The following ANKFN1 variants were observed in gnomAD, a reference collection of about 807,000 sequenced individuals.
ANKFN1 encodes ankyrin repeat and fibronectin type III domain containing 1, also known as ankyrin repeat and fibronectin type-III domain-containing protein 1.
Under a neutral mutation model 108.7 loss-of-function variants are expected in ANKFN1, and 74 were observed. The observed-to-expected ratio is 0.68, with a 90% confidence interval of 0.56 to 0.83. ANKFN1 has a LOEUF of 0.83. Among genes scored for constraint, ANKFN1 ranks in the 40% least tolerant of loss-of-function variants. ANKFN1 has a pLI of 0.00. For synonymous variants in ANKFN1, 547 were observed against 516.2 expected (o/e 1.06, Z -0.81); for missense variants, 1,505 against 1,382.3 (o/e 1.09, Z -1.41).
chr17:56,208,884 T>TTAG (rs1333869559), intron 1 of ANKFN1, among the ~76,000 whole-genome samples: 1 of 151,834 alleles, frequency 6.6e-6, no homozygotes, highest in East Asian at 1.9e-4. Context: ...TATTTTATTA[T>TTAG]TATTATTATT....
Position 56,511,185 on chromosome 17 carries a change from C to G in ANKFN1, c.3357C>G (p.Thr1119=). 6.5e-7 allele frequency: 1 copy of G among 1,536,016 alleles called. No individual in the cohort carries two copies. The highest frequency in any genetic ancestry group is 1.7e-4 in the Middle Eastern group (1 of 5,978). ...GCCCGCCCTCTGGAGGCCGCATCACCCTGCCCAGCCCCACTGGCCCCGATG... is the reference window on the plus strand; with the variant it reads ...GCCCGCCCTCTGGAGGCCGCATCACGCTGCCCAGCCCCACTGGCCCCGATG... ...SLSPPSGGRI[T]LPSPTGPDVS... Residue 1119 remains threonine, a synonymous_variant, in exon 21 of 21, where the codon ACC becomes ACG. Coordinates refer to ENST00000682825, the MANE Select transcript of ANKFN1 (RefSeq NM_001370326.1).
At chr17:56,115,743 G>T (rs1221540873) in intron 4 of ANKFN1, among the ~76,000 whole-genome samples, 4 of 152,110 alleles carry the variant, frequency 2.6e-5, no homozygotes, top group African/African-American at 7.2e-5. Flanking sequence ...GGAAGAAAAT[G>T]CTCCAGCATA....
intron 3 of ANKFN1, among the ~76,000 whole-genome samples, chr17:56,266,397 C>T (rs926298304): frequency 6.6e-6 from 1 of 152,146 alleles, no homozygotes; most frequent in Non-Finnish European, 1.5e-5. Context: ...CTGTCAAAAT[C>T]ACTCTACCTA....
intron 3 of ANKFN1, among the ~76,000 whole-genome samples, chr17:56,300,880 G>A (rs1382634339): frequency 6.6e-6 from 1 of 152,072 alleles, no homozygotes; most frequent in African/African-American, 2.4e-5. Flanking sequence ...TAGAATTTGG[G>A]TCCCTCCACC....
chr17:56,318,218 A>T (rs2045263459), intron 3 of ANKFN1, among the ~76,000 whole-genome samples: 1 of 152,074 alleles, frequency 6.6e-6, no homozygotes, highest in Non-Finnish European at 1.5e-5. Context: ...CAAGGATGTA[A>T]AAATAGATAA....
At chr17:56,243,615 T>A (rs190929349) in intron 3 of ANKFN1, among the ~76,000 whole-genome samples, 1 of 152,146 alleles carries the variant, frequency 6.6e-6, no homozygotes, top group Non-Finnish European at 1.5e-5. Context: ...CTACAGTTGC[T>A]AAACTCCTAG....
intron 3 of ANKFN1, among the ~76,000 whole-genome samples, chr17:56,284,913 C>T (rs1003555315): frequency 1.3e-5 from 2 of 152,136 alleles, no homozygotes; most frequent in African/African-American, 2.4e-5. Flanking sequence ...CCCCAACTCC[C>T]CAGAGGAGAA....
chr17:56,320,236 C>A (rs1172727807), intron 3 of ANKFN1, among the ~76,000 whole-genome samples: 4 of 152,178 alleles, frequency 2.6e-5, no homozygotes, highest in Non-Finnish European at 5.9e-5. Flanking sequence ...TGACAAACCA[C>A]ATCATGTATC....
upstream of ANKFN1, among the ~76,000 whole-genome samples, chr17:56,152,595 T>C (rs1007487974): frequency 6.6e-6 from 1 of 152,120 alleles, no homozygotes; most frequent in African/African-American, 2.4e-5. Flanking sequence ...GAGCCTCAAC[T>C]GCTTCAAAGT....
chr17:56,274,924 A>G (rs2043885672), intron 3 of ANKFN1, among the ~76,000 whole-genome samples: 3 of 152,340 alleles, frequency 2.0e-5, no homozygotes, highest in Admixed American at 1.3e-4. Context: ...CCTTGCGGTT[A>G]TCACTTAAGC....
At chr17:56,445,764 G>A (rs1381152530) in intron 10 of ANKFN1, among the ~76,000 whole-genome samples, 1 of 152,098 alleles carries the variant, frequency 6.6e-6, no homozygotes, top group Non-Finnish European at 1.5e-5. Context: ...TGTTTTTACA[G>A]ACTTATGTTA....
At position 56,350,839 on chromosome 17, in the gene ANKFN1, T is replaced by C; in HGVS notation, c.262T>C (p.Ser88Pro). The change falls in exon 5 of 21, where the codon TCA becomes CCA. Residue 88 changes from serine to proline, a missense_variant. Coordinates refer to ENST00000682825, the MANE Select transcript of ANKFN1 (RefSeq NM_001370326.1). ...TCAGTCAAAAAAACATAGTGCTCCC[T>C]CATCTCCCAACGCAGCCAAACGCCT... ...LCQSKKHSAP[S>P]SPNAAKRLYR... 4.3e-6 allele frequency: 7 copies of C among 1,613,822 alleles called. No homozygotes were observed. The highest frequency in any genetic ancestry group is 5.9e-6 in the Non-Finnish European group (7 of 1,179,868).
chr17:56,268,623 A>C (rs538373498), intron 3 of ANKFN1, among the ~76,000 whole-genome samples: 1 of 152,310 alleles, frequency 6.6e-6, no homozygotes, highest in Non-Finnish European at 1.5e-5. Flanking sequence ...ACCCATACAA[A>C]AGACTAACAA....
At chr17:56,144,121 T>C (rs939151065) in intron 4 of ANKFN1, among the ~76,000 whole-genome samples, 4 of 116,956 alleles carry the variant, frequency 3.4e-5, no homozygotes, top group African/African-American at 1.4e-4. Flanking sequence ...CCCTCCAGCC[T>C]AGCACAAGTG....
chr17:56,249,308 C>A (rs2043183987), intron 3 of ANKFN1, among the ~76,000 whole-genome samples: 1 of 151,966 alleles, frequency 6.6e-6, no homozygotes. Flanking sequence ...GTGGCAGGTG[C>A]CTGTAATCCC....
At chr17:56,229,737 TG>T (rs952686979) in intron 3 of ANKFN1, among the ~76,000 whole-genome samples, 1 of 149,318 alleles carries the variant, frequency 6.7e-6, no homozygotes, top group Non-Finnish European at 1.5e-5. Context: ...AGTTTGTGAC[TG>T]TTTGTTTTCT....
chr17:56,265,741 TTA>T (rs1444517144), intron 3 of ANKFN1, among the ~76,000 whole-genome samples: 1 of 152,232 alleles, frequency 6.6e-6, no homozygotes. Flanking sequence ...ACACATCCTC[TTA>T]TTTACTTTAA....
At position 56,293,950 on chromosome 17, in the gene ANKFN1, C is replaced by T. The variant is rs1390459737; in HGVS notation, c.54-32271C>T. 2.6e-5 allele frequency among the ~76,000 whole-genome samples: 4 copies of T among 152,170 alleles called. No individual in the cohort carries two copies. In the East Asian group the frequency reaches 7.7e-4, roughly 29 times the overall value. ...TTCTTCTTAATAACCTAGGCATAAA[C>T]GTTTTCACCATGGGGTTTAGCCACC... On this transcript the variant is annotated intron_variant, in intron 3 of 20. Transcript: ENST00000682825.
chr17:56,273,848 C>T (rs573157961), intron 3 of ANKFN1, among the ~76,000 whole-genome samples: 14 of 152,142 alleles, frequency 9.2e-5, no homozygotes, highest in Admixed American at 3.3e-4. Flanking sequence ...ATATCCCAAG[C>T]AATTATTCAT....
Sources: gnomAD v4.1 joint callset for allele counts (sites outside exome capture counted in the v4.1 genomes callset) on GRCh38, gnomAD v4.1.1 for gene constraint, MANE v1.5 for transcripts, NCBI Gene and HGNC (gene_info 2026-07-23, HGNC 2026-07-21) for gene names.